ZNF385D: variants seen among roughly 807,000 people sequenced by gnomAD.
ZNF385D encodes the protein zinc finger protein 659.
Under a neutral mutation model 35.8 loss-of-function variants are expected in ZNF385D, and 15 were observed. That is an observed-to-expected ratio of 0.42 (90% CI 0.28 to 0.64). The LOEUF is 0.64. Ranked by LOEUF, ZNF385D falls within the 30% of genes least tolerant of loss-of-function variation. ZNF385D has a pLI of 0.23. For missense variants in ZNF385D, 474 were observed against 494.6 expected, an observed-to-expected ratio of 0.96 and a Z score of 0.39; for synonymous variants, 212 against 186.8, an observed-to-expected ratio of 1.13 and a Z score of -1.10.
At chr3:21,450,650 A>T (rs917132301) in intron 4 of ZNF385D, among the ~76,000 whole-genome samples, 1 of 152,194 alleles carries the variant, frequency 6.6e-6, no homozygotes, top group Non-Finnish European at 1.5e-5. Context: ...AATGCTTTTC[A>T]CCAAAATAAA....
chr3:21,632,847 G>A (rs906499154), intron 2 of ZNF385D, among the ~76,000 whole-genome samples: 1 of 152,086 alleles, frequency 6.6e-6, no homozygotes, highest in Non-Finnish European at 1.5e-5. Context: ...GGGAACTCCT[G>A]AGAAATTATT....
intron 2 of ZNF385D, among the ~76,000 whole-genome samples, chr3:22,252,485 A>G (rs1216095184): frequency 6.6e-6 from 1 of 152,074 alleles, no homozygotes; most frequent in Non-Finnish European, 1.5e-5. Context: ...ATGTGGTATG[A>G]CAAAGATATG....
intron 3 of ZNF385D, among the ~76,000 whole-genome samples, chr3:22,045,430 G>A (rs1321667068): frequency 2.0e-5 from 3 of 152,080 alleles, no homozygotes; most frequent in Non-Finnish European, 2.9e-5. Context: ...AAGAGAGGCT[G>A]GTCTTCCACA....
intron 3 of ZNF385D, among the ~76,000 whole-genome samples, chr3:22,157,120 T>C (rs1254357357): frequency 6.6e-6 from 1 of 152,148 alleles, no homozygotes; most frequent in Non-Finnish European, 1.5e-5. Flanking sequence ...AATATGCGTG[T>C]GGACTCTGGA....
At chr3:22,072,913 G>A (rs997970265) in intron 3 of ZNF385D, among the ~76,000 whole-genome samples, 7 of 151,896 alleles carry the variant, frequency 4.6e-5, no homozygotes, top group African/African-American at 1.4e-4. Context: ...GGAAGATTCA[G>A]GGCCAAGAGA....
chr3:22,023,057 C>CT (rs1697317872), intron 3 of ZNF385D, among the ~76,000 whole-genome samples: 1 of 152,166 alleles, frequency 6.6e-6, no homozygotes, highest in East Asian at 1.9e-4. Context: ...CCAGGCTGCT[C>CT]TTCGCAAGTG....
At chr3:22,166,932 G>C (rs1399551680) in intron 3 of ZNF385D, among the ~76,000 whole-genome samples, 1 of 152,242 alleles carries the variant, frequency 6.6e-6, no homozygotes, top group Non-Finnish European at 1.5e-5. Context: ...TGCTGTACTT[G>C]AGGTGGTTTC....
At chr3:22,244,779 C>T (rs1699684164) in intron 2 of ZNF385D, among the ~76,000 whole-genome samples, 1 of 150,858 alleles carries the variant, frequency 6.6e-6, no homozygotes, top group South Asian at 2.2e-4. Context: ...GCTCTAAAAT[C>T]ATTGTAGGCA....
chr3:21,964,795 T>C (rs1702814885), intron 3 of ZNF385D, among the ~76,000 whole-genome samples: 1 of 143,042 alleles, frequency 7.0e-6, no homozygotes, highest in East Asian at 1.9e-4. Flanking sequence ...CCCAGCCTAA[T>C]TTCACAGATC....
At chr3:21,578,067 C>T (rs147675533) in intron 2 of ZNF385D, among the ~76,000 whole-genome samples, 24 of 152,116 alleles carry the variant, frequency 1.6e-4, no homozygotes, top group African/African-American at 4.1e-4. Flanking sequence ...CTCCTGGTCC[C>T]GGCTTCCCAA....
chr3:22,368,860 A>G (rs1368446604), intron 2 of ZNF385D, among the ~76,000 whole-genome samples: 1 of 152,194 alleles, frequency 6.6e-6, no homozygotes, highest in Non-Finnish European at 1.5e-5. Context: ...CACTAGCTTT[A>G]CCAGGCTCTA....
chr3:21,644,725 G>A (rs1199200124), intron 2 of ZNF385D, among the ~76,000 whole-genome samples: 2 of 151,926 alleles, frequency 1.3e-5, no homozygotes, highest in Non-Finnish European at 2.9e-5. Context: ...CATTAAGTTC[G>A]GTTTGAAGAA....
At chr3:22,246,126 C>T (rs760559133) in intron 2 of ZNF385D, among the ~76,000 whole-genome samples, 1 of 152,140 alleles carries the variant, frequency 6.6e-6, no homozygotes. Context: ...GATTTAAATG[C>T]AAACTTTTAT....
intron 2 of ZNF385D, among the ~76,000 whole-genome samples, chr3:22,291,444 G>A (rs567855074): frequency 8.6e-5 from 13 of 151,736 alleles, no homozygotes; most frequent in Non-Finnish European, 1.5e-4. Context: ...ATTCTTAAAT[G>A]GAAAAATTTT....
In ZNF385D at chr3:21,797,220, A is replaced by T. The variant is rs151098424; in HGVS notation, c.326-132192T>A. Among the ~76,000 whole-genome samples the T allele has an allele frequency of 4.9e-3, 752 of 152,330 alleles. 10 individuals carry two copies. Among genetic ancestry groups the T allele is most frequent in the African/African-American group, 0.016 (678 of 41,578 alleles). ...AAAGAATACATACAAATGACAAATA[A>T]GCCAATGAAAAGATTCTTCACATTA... On this transcript the variant is annotated intron_variant, in intron 3 of 5. Transcript: ENST00000494108.
chr3:21,750,348 G>C (rs1023378976), intron 1 of ZNF385D, among the ~76,000 whole-genome samples: 2 of 152,188 alleles, frequency 1.3e-5, no homozygotes, highest in Non-Finnish European at 2.9e-5. Context: ...CAAATAATAT[G>C]CATTTTGTGC....
chr3:21,980,970 G>A (rs1354924749), intron 3 of ZNF385D, among the ~76,000 whole-genome samples: 1 of 151,954 alleles, frequency 6.6e-6, no homozygotes, highest in African/African-American at 2.4e-5. Flanking sequence ...TCTGTCTTTA[G>A]TAGGCATTTA....
At chr3:21,712,949 T>A (rs999903670) in intron 1 of ZNF385D, among the ~76,000 whole-genome samples, 1 of 152,196 alleles carries the variant, frequency 6.6e-6, no homozygotes, top group Non-Finnish European at 1.5e-5. Flanking sequence ...CAAATACACA[T>A]GCACAAACAC....
rs1278268811 is a variant in ZNF385D, at chr3:22,102,083, C to G, written c.325+66734G>C. ...TAGCCCTAATATAAAAGAAAAGCAC[C>G]AAACATGACAAGTTTCCCTTTGGAA... On this transcript the variant is annotated intron_variant, in intron 3 of 5. Coordinates refer to the ZNF385D transcript ENST00000494108. 2.6e-5 allele frequency among the ~76,000 whole-genome samples: 4 copies of G among 151,622 alleles called. No homozygotes were observed. The Admixed American group carries it at 2.6e-4, about 10-fold the overall frequency.
Sources: gnomAD v4.1 joint callset for allele counts (sites outside exome capture counted in the v4.1 genomes callset) on GRCh38, gnomAD v4.1.1 for gene constraint, MANE v1.5 for transcripts, NCBI Gene and HGNC (gene_info 2026-07-23, HGNC 2026-07-21) for gene names.